Variants in STAU2 observed in about 807,000 individuals in gnomAD.
STAU2 encodes staufen double-stranded RNA binding protein 2, also known as double-stranded RNA-binding protein Staufen homolog 2.
In STAU2, 20 loss-of-function variants were observed where a neutral mutation model predicts 65.9. The ratio of observed to expected loss-of-function variants is 0.30; its 90% CI spans 0.21 to 0.44. The LOEUF (loss-of-function observed/expected upper bound fraction) is 0.44, where lower values mean the gene tolerates loss of function less well. Ranked by LOEUF, STAU2 falls within the 20% of genes least tolerant of loss-of-function variation. STAU2 has a pLI of 1.00. For synonymous variants in STAU2, 232 were observed against 233.9 expected, an observed-to-expected ratio of 0.99 and a Z score of 0.07; for missense variants, 558 against 683.9, an observed-to-expected ratio of 0.82 and a Z score of 2.05.
chr8:73,426,660 G>A (rs1236162386), intron 13 of STAU2, among the ~76,000 whole-genome samples: 2 of 152,138 alleles, frequency 1.3e-5, no homozygotes, highest in African/African-American at 2.4e-5. Context: ...TTACGGCCGA[G>A]TAGTATTCCA....
chr8:73,694,312 A>G (rs1418437963), intron 4 of STAU2, among the ~76,000 whole-genome samples: 1 of 152,254 alleles, frequency 6.6e-6, no homozygotes, highest in Non-Finnish European at 1.5e-5. Flanking sequence ...GTACAGTTGA[A>G]CAACACTATC....
intron 11 of STAU2, among the ~76,000 whole-genome samples, chr8:73,591,909 AAAAAACAAGAG>A (rs1792508582): frequency 7.1e-6 from 1 of 141,074 alleles, no homozygotes; most frequent in African/African-American, 2.9e-5. Flanking sequence ...AAAAAAAAAA[AAAAAACAAGAG>A]AGAGACAAGA....
intron 13 of STAU2, chr8:73,439,011 G>C (rs1447725427): frequency 4.4e-6 from 2 of 456,752 alleles, no homozygotes; most frequent in Admixed American, 4.7e-5. Flanking sequence ...TCTCCGTTTA[G>C]AAGACTGCAT....
intron 12 of STAU2, among the ~76,000 whole-genome samples, chr8:73,556,853 T>G (rs1405139727): frequency 6.6e-6 from 1 of 152,120 alleles, no homozygotes; most frequent in Non-Finnish European, 1.5e-5. Context: ...GAGAAATCTT[T>G]TGGTGAGATG....
intron 4 of STAU2, among the ~76,000 whole-genome samples, chr8:73,705,108 A>C (rs1169982230): frequency 6.6e-6 from 1 of 152,216 alleles, no homozygotes; most frequent in Non-Finnish European, 1.5e-5. Context: ...TTAGTCCTAT[A>C]TATGACTAAT....
intron 6 of STAU2, among the ~76,000 whole-genome samples, chr8:73,637,546 A>G (rs74540329): frequency 5.1e-4 from 76 of 150,320 alleles, no homozygotes; most frequent in African/African-American, 1.7e-3. Flanking sequence ...CGAATTCTAT[A>G]TTCAATGAAA....
rs902247059 is a variant in STAU2 at position 73,457,193 on chromosome 8, A to G, written c.1531-34491T>C. ...TCAAATGGAAAATGGCGAGAATACT[A>G]AAGAGATCTACCCCAGCTTAGAAAC... is the stretch of plus-strand genomic sequence containing the variant. On this transcript the variant is annotated intron_variant, in intron 13 of 14. Transcript: ENST00000524300. Among the ~76,000 whole-genome samples, 21 of 151,632 alleles carry G rather than the reference A, an allele frequency of 1.4e-4. 1 individual carries two copies. Among genetic ancestry groups the G allele is most frequent in the Admixed American group, 2.6e-4 (4 of 15,132 alleles).
chr8:73,711,473 A>G (rs949464168), intron 3 of STAU2, among the ~76,000 whole-genome samples: 1 of 152,172 alleles, frequency 6.6e-6, no homozygotes, highest in Non-Finnish European at 1.5e-5. Context: ...TTTGCATAAC[A>G]CAAATAGCAT....
chr8:73,617,372 G>A lies in STAU2; in HGVS notation c.490C>T (p.Arg164Ter), dbSNP rs201210593. The change falls in exon 7 of 15, where the codon CGA becomes TGA. Residue 164 changes from arginine to a stop codon, truncating the protein, a stop_gained. Coordinates refer to ENST00000524300, the MANE Select transcript of STAU2 (RefSeq NM_001164380.2). LOFTEE classifies it high-confidence loss of function. ...GCAGCATTGTGTCTAGCAGCTTGTC[G>A]AGTCTTTCCTTCCCCAAAAAATTCA... ...NNEFFGEGKT[R>*]QAARHNAAMK... 2 of 1,613,908 alleles carry A rather than the reference G, an allele frequency of 1.2e-6. No homozygotes were observed. The highest frequency in any genetic ancestry group is 8.5e-7 in the Non-Finnish European group (1 of 1,179,990).
chr8:73,615,663 C>A lies in STAU2; in HGVS notation c.678+12G>T, dbSNP rs996075810. ...AAGGGAAAAAATGGGAAGATCTCTA[C>A]CGAGTACATACCTCAAAACTGACAG... On this transcript the variant is annotated intron_variant, in intron 8 of 14. Transcript: ENST00000524300. The A allele has an allele frequency of 1.2e-5, 20 of 1,601,668 alleles. No homozygotes were observed. The highest frequency in any genetic ancestry group is 2.7e-5 in the African/African-American group (2 of 74,658).
intron 13 of STAU2, among the ~76,000 whole-genome samples, chr8:73,538,245 A>T (rs1806311521): frequency 6.6e-6 from 1 of 152,182 alleles, no homozygotes; most frequent in African/African-American, 2.4e-5. Context: ...CCTGGTAGTG[A>T]TAATTATACT....
At chr8:73,554,706 G>A (rs1317477079) in intron 12 of STAU2, among the ~76,000 whole-genome samples, 1 of 152,156 alleles carries the variant, frequency 6.6e-6, no homozygotes, top group East Asian at 1.9e-4. Context: ...CTGTGTTCCA[G>A]GGCTTCCTAT....
At chr8:73,495,662 A>AATATAT (rs3032943) in intron 13 of STAU2, among the ~76,000 whole-genome samples, 1,365 of 132,466 alleles carry the variant, frequency 0.01, 20 homozygotes, top group South Asian at 0.04. Flanking sequence ...CATAAAGCCA[A>AATATAT]ATATATATAT....
At chr8:73,707,696 C>A (rs1820611309) in intron 4 of STAU2, among the ~76,000 whole-genome samples, 1 of 152,010 alleles carries the variant, frequency 6.6e-6, no homozygotes, top group Admixed American at 6.6e-5. Context: ...AGAGTATATA[C>A]TACAGGGACC....
rs1299488387 is a variant in STAU2, at chr8:73,471,167, TTCTC to T, written c.1531-48469_1531-48466del. Among the ~76,000 whole-genome samples, 38 of 143,246 alleles carry T rather than the reference TTCTC, an allele frequency of 2.7e-4. No individual in the cohort carries two copies. The East Asian group carries it at 7.5e-3, about 28-fold the overall frequency. 94.0% of individuals were successfully genotyped at this position (143,246 alleles called of 152,430 possible). A position where few individuals can be genotyped will look rare whatever the true frequency, so the allele number is the denominator to read the frequency against. ...TATATTTAATTTTCTGACATTCTAA[TTCTC>T]TCTTTTTTTTTTTTTTTTTGAGACA... On this transcript the variant is annotated intron_variant, in intron 13 of 14. Coordinates refer to ENST00000524300, the MANE Select transcript of STAU2 (RefSeq NM_001164380.2).
chr8:73,635,951 CCCCT>C (rs1193987061), intron 6 of STAU2, among the ~76,000 whole-genome samples: 13 of 54,674 alleles, frequency 2.4e-4, no homozygotes, highest in African/African-American at 6.6e-4. Flanking sequence ...CACACACACA[CCCCT>C]GGAACCAATT....
chr8:73,698,599 G>A (rs936355888), intron 4 of STAU2, among the ~76,000 whole-genome samples: 1 of 152,066 alleles, frequency 6.6e-6, no homozygotes, highest in Non-Finnish European at 1.5e-5. Context: ...TTCAGCAAGA[G>A]GATATAATAA....
In STAU2 at chr8:73,474,492, C is replaced by T. The variant is rs1355985545; in HGVS notation, c.1531-51790G>A. Among the ~76,000 whole-genome samples the T allele has an allele frequency of 8.5e-5, 13 of 152,306 alleles. No individual in the cohort carries two copies. The South Asian group carries it at 2.5e-3, about 29-fold the overall frequency. ...AAAGACCTTCAACACTTTCTACTCACAATCCGCTGCTCTATTAACAAACAA... is the reference window on the plus strand; with the variant it reads ...AAAGACCTTCAACACTTTCTACTCATAATCCGCTGCTCTATTAACAAACAA... On this transcript the variant is annotated intron_variant, in intron 13 of 14. Transcript: ENST00000524300.
chr8:73,733,103 C>T (rs1806186666), intron 3 of STAU2, among the ~76,000 whole-genome samples: 1 of 151,692 alleles, frequency 6.6e-6, no homozygotes, highest in African/African-American at 2.4e-5. Context: ...ACTCCTTCGA[C>T]ACGGAAAAAT....
Sources: allele counts gnomAD v4.1 joint callset (sites outside exome capture counted in the v4.1 genomes callset), GRCh38; gene constraint gnomAD v4.1.1; transcripts MANE v1.5; gene names NCBI Gene and HGNC (gene_info 2026-07-23, HGNC 2026-07-21).